ARL15: variants seen among roughly 807,000 people sequenced by gnomAD.
ARL15 encodes ADP-ribosylation factor-like protein 15.
Under a neutral mutation model 25.2 loss-of-function variants are expected in ARL15, and 19 were observed. The ratio of observed to expected loss-of-function variants is 0.75; its 90% CI spans 0.53 to 1.10. The LOEUF (loss-of-function observed/expected upper bound fraction) is 1.10. Among genes scored for constraint, ARL15 ranks in the 50% least tolerant of loss-of-function variants. ARL15 has a pLI of 0.00. For missense variants in ARL15, 220 were observed against 246.0 expected (o/e 0.89, Z 0.71); for synonymous variants, 94 against 86.8 (o/e 1.08, Z -0.46).
At chr5:54,175,269 C>T (rs2112411965) in intron 1 of ARL15, among the ~76,000 whole-genome samples, 1 of 152,168 alleles carries the variant, frequency 6.6e-6, no homozygotes, top group South Asian at 2.1e-4. Context: ...CCACTTCTGA[C>T]ATAAAAGATG....
chr5:54,174,908 T>C (rs990960895), intron 1 of ARL15, among the ~76,000 whole-genome samples: 13 of 152,206 alleles, frequency 8.5e-5, no homozygotes, highest in Admixed American at 7.2e-4. Flanking sequence ...CAGTTTCTTT[T>C]ACTGGGCTGC....
chr5:54,286,515 T>C (rs1001246427), intron 1 of ARL15, among the ~76,000 whole-genome samples: 1 of 152,210 alleles, frequency 6.6e-6, no homozygotes, highest in African/African-American at 2.4e-5. Flanking sequence ...CTAGCAGAAA[T>C]AACCTGAGAT....
intron 4 of ARL15, among the ~76,000 whole-genome samples, chr5:54,080,231 A>C (rs545040482): frequency 3.3e-4 from 51 of 152,308 alleles, no homozygotes; most frequent in Non-Finnish European, 4.4e-5. Flanking sequence ...AATACTTTTG[A>C]AGACTAACAA....
chr5:54,160,622 T>C (rs1425757645), intron 2 of ARL15, among the ~76,000 whole-genome samples: 1 of 152,222 alleles, frequency 6.6e-6, no homozygotes, highest in Non-Finnish European at 1.5e-5. Flanking sequence ...AGGTGCAAAT[T>C]ACTCAAATTT....
intron 1 of ARL15, among the ~76,000 whole-genome samples, chr5:54,185,534 A>C (rs1207714436): frequency 6.6e-6 from 1 of 152,140 alleles, no homozygotes; most frequent in African/African-American, 2.4e-5. Flanking sequence ...TGAGTGTCTG[A>C]CCAAGCCACA....
chr5:53,981,081 C>T (rs976639395), intron 4 of ARL15, among the ~76,000 whole-genome samples: 1 of 152,124 alleles, frequency 6.6e-6, no homozygotes, highest in African/African-American at 2.4e-5. Flanking sequence ...TAGATTCAAA[C>T]AAACTTCAGT....
intron 1 of ARL15, among the ~76,000 whole-genome samples, chr5:54,232,808 C>G (rs1184512471): frequency 6.6e-6 from 1 of 152,164 alleles, no homozygotes; most frequent in African/African-American, 2.4e-5. Flanking sequence ...GTTCGGCTGA[C>G]ACTCATGTTC....
chr5:53,956,104 C>A (rs1046928520), intron 4 of ARL15, among the ~76,000 whole-genome samples: 1 of 151,982 alleles, frequency 6.6e-6, no homozygotes, highest in African/African-American at 2.4e-5. Flanking sequence ...CAAAAAAAGA[C>A]CCTGAGAGAT....
At chr5:54,232,069 C>T (rs1448680616) in intron 1 of ARL15, among the ~76,000 whole-genome samples, 1 of 152,198 alleles carries the variant, frequency 6.6e-6, no homozygotes, top group Non-Finnish European at 1.5e-5. Context: ...AGAACCCTCT[C>T]CTTTTCCTTA....
At chr5:54,077,070 C>T (rs1387466773) in intron 4 of ARL15, among the ~76,000 whole-genome samples, 2 of 152,088 alleles carry the variant, frequency 1.3e-5, no homozygotes, top group African/African-American at 4.8e-5. Flanking sequence ...TAAATGAAGA[C>T]TTAACAGGGA....
chr5:53,942,495 C>T (rs1456819415), intron 4 of ARL15, among the ~76,000 whole-genome samples: 1 of 152,072 alleles, frequency 6.6e-6, no homozygotes, highest in Non-Finnish European at 1.5e-5. Context: ...TGCCTGTAAT[C>T]CCAGCATTTT....
At chr5:54,299,272 G>C (rs1326947468) in intron 1 of ARL15, among the ~76,000 whole-genome samples, 1 of 152,174 alleles carries the variant, frequency 6.6e-6, no homozygotes, top group East Asian at 1.9e-4. Flanking sequence ...CACGCCAGCA[G>C]TGGCTGAGGC....
chr5:53,978,720 A>C (rs2111576627), intron 4 of ARL15, among the ~76,000 whole-genome samples: 1 of 152,138 alleles, frequency 6.6e-6, no homozygotes, highest in South Asian at 2.1e-4. Flanking sequence ...CGTTCATATA[A>C]GAATATATAT....
intron 4 of ARL15, among the ~76,000 whole-genome samples, chr5:54,038,135 A>G (rs560952796): frequency 1.1e-4 from 16 of 152,272 alleles, no homozygotes; most frequent in Admixed American, 9.1e-4. Flanking sequence ...TAATGAGAGC[A>G]TGTACAAGTG....
chr5:54,109,891 C>T (rs1160165443), intron 4 of ARL15, among the ~76,000 whole-genome samples: 6 of 151,866 alleles, frequency 4.0e-5, no homozygotes, highest in African/African-American at 1.2e-4. Flanking sequence ...GGCTTTCAGA[C>T]AGTATGTAAA....
intron 1 of ARL15, among the ~76,000 whole-genome samples, chr5:54,254,540 T>G (rs1008433005): frequency 6.6e-6 from 1 of 152,162 alleles, no homozygotes; most frequent in Non-Finnish European, 1.5e-5. Context: ...TTGACAGGAG[T>G]AAATGCATAG....
intron 1 of ARL15, among the ~76,000 whole-genome samples, chr5:54,176,765 T>C (rs1397492351): frequency 1.3e-5 from 2 of 152,224 alleles, no homozygotes; most frequent in South Asian, 2.1e-4. Flanking sequence ...CAGGAGGATG[T>C]TATGAGGCCT....
intron 4 of ARL15, among the ~76,000 whole-genome samples, chr5:54,078,531 A>G (rs1040906439): frequency 2.0e-5 from 3 of 152,210 alleles, no homozygotes; most frequent in Admixed American, 2.0e-4. Flanking sequence ...AGTACTCCAC[A>G]CATTAGTTTT....
At chr5:54,124,787 G>C (rs1753192125) in intron 3 of ARL15, among the ~76,000 whole-genome samples, 1 of 152,184 alleles carries the variant, frequency 6.6e-6, no homozygotes, top group South Asian at 2.1e-4. Context: ...AGGTTAGGAA[G>C]AGCATAGTCA....
Sources: gnomAD v4.1 joint callset for allele counts (sites outside exome capture counted in the v4.1 genomes callset) on GRCh38, gnomAD v4.1.1 for gene constraint, MANE v1.5 for transcripts, NCBI Gene and HGNC (gene_info 2026-07-23, HGNC 2026-07-21) for gene names.